Variants in SUCLG2 observed in about 807,000 individuals in gnomAD.
SUCLG2 encodes succinate-CoA ligase GDP-forming subunit beta, also known as succinate--CoA ligase [GDP-forming] subunit beta, mitochondrial.
SUCLG2 carries 42 observed loss-of-function variants against 47.9 expected under a neutral mutation model. That is an observed-to-expected ratio of 0.88 (90% CI 0.69 to 1.14). The LOEUF (loss-of-function observed/expected upper bound fraction) is 1.14. Among genes scored for constraint, SUCLG2 ranks in the 50% most tolerant of loss-of-function variants. The pLI, the probability that SUCLG2 is intolerant of heterozygous loss-of-function variation, is 0.00. For missense variants in SUCLG2, 571 were observed against 525.9 expected (o/e 1.09, Z -0.84); for synonymous variants, 195 against 197.3 (o/e 0.99, Z 0.10).
intron 2 of SUCLG2, among the ~76,000 whole-genome samples, chr3:67,556,445 G>A (rs1707164139): frequency 6.6e-6 from 1 of 152,218 alleles, no homozygotes; most frequent in Admixed American, 6.5e-5. Flanking sequence ...GGATGAAAAT[G>A]ATATGGGAGA....
chr3:67,627,343 C>CAT (rs1447545474), intron 1 of SUCLG2, among the ~76,000 whole-genome samples: 1 of 152,154 alleles, frequency 6.6e-6, no homozygotes, highest in Non-Finnish European at 1.5e-5. Flanking sequence ...AACCATACAC[C>CAT]ATATAGAAGC....
intron 1 of SUCLG2, among the ~76,000 whole-genome samples, chr3:67,620,093 T>C (rs2107332007): frequency 6.6e-6 from 1 of 152,326 alleles, no homozygotes; most frequent in East Asian, 1.9e-4. Context: ...ACTTTGTTCA[T>C]TCATTTAACA....
chr3:67,379,183 G>C (rs1209026911), intron 10 of SUCLG2, among the ~76,000 whole-genome samples: 1 of 152,188 alleles, frequency 6.6e-6, no homozygotes, highest in African/African-American at 2.4e-5. Context: ...CTGACCTCAA[G>C]TGATCCACTT....
intron 9 of SUCLG2, among the ~76,000 whole-genome samples, chr3:67,439,824 C>T (rs1703714199): frequency 1.3e-5 from 2 of 152,164 alleles, no homozygotes; most frequent in Non-Finnish European, 2.9e-5. Flanking sequence ...TTTACAGATT[C>T]AATGCTATCC....
At chr3:67,560,246 C>G (rs759927144) in intron 2 of SUCLG2, among the ~76,000 whole-genome samples, 3 of 152,082 alleles carry the variant, frequency 2.0e-5, no homozygotes, top group Non-Finnish European at 4.4e-5. Context: ...AGGCCATAAT[C>G]CAATACAATA....
At chr3:67,465,812 T>C (rs56090487) in intron 9 of SUCLG2, among the ~76,000 whole-genome samples, 4,974 of 152,222 alleles carry the variant, frequency 0.033, 136 homozygotes, top group East Asian at 0.13. Context: ...TATCATCCTG[T>C]TTTACTATCT....
chr3:67,531,480 C>A (rs898665705), intron 2 of SUCLG2, among the ~76,000 whole-genome samples: 1 of 151,942 alleles, frequency 6.6e-6, no homozygotes, highest in African/African-American at 2.4e-5. Flanking sequence ...ACCATCAAGA[C>A]ACAGAAAGAG....
chr3:67,360,883 G>A (rs1052486827), intron 10 of SUCLG2: 15 of 856,040 alleles, frequency 1.8e-5, no homozygotes, highest in African/African-American at 1.7e-4. Context: ...TGGAAACATC[G>A]TGTTACTGAT....
intron 10 of SUCLG2, chr3:67,376,198 G>T: frequency 2.0e-6 from 2 of 985,362 alleles, no homozygotes; most frequent in South Asian, 9.4e-5. Flanking sequence ...CCTCTCAGAC[G>T]TCATCAGGGG....
intron 9 of SUCLG2, chr3:67,409,166 C>T (rs890722453): frequency 9.8e-7 from 1 of 1,024,650 alleles, no homozygotes; most frequent in Non-Finnish European, 1.4e-6. Context: ...TTTGGCATTT[C>T]CTAGTTAGAT....
intron 2 of SUCLG2, among the ~76,000 whole-genome samples, chr3:67,557,963 T>C (rs1309724325): frequency 6.6e-6 from 1 of 152,140 alleles, no homozygotes; most frequent in Non-Finnish European, 1.5e-5. Context: ...ATTAATTCAT[T>C]TGAATATGAT....
chr3:67,642,073 T>C (rs1701111010), intron 1 of SUCLG2, among the ~76,000 whole-genome samples: 1 of 152,220 alleles, frequency 6.6e-6, no homozygotes, highest in Admixed American at 6.5e-5. Context: ...TCTCTTACCT[T>C]CTATCTCCTT....
chr3:67,604,450 A>C (rs1207900612), intron 2 of SUCLG2, among the ~76,000 whole-genome samples: 4 of 152,250 alleles, frequency 2.6e-5, no homozygotes, highest in African/African-American at 9.6e-5. Context: ...GGGAGATTTA[A>C]TCTAATCTGA....
chr3:67,406,710 CAG>C (rs1358812540), intron 9 of SUCLG2, among the ~76,000 whole-genome samples: 2 of 152,254 alleles, frequency 1.3e-5, no homozygotes, highest in South Asian at 2.1e-4. Context: ...GCAAATCATG[CAG>C]AGTCTCACAG....
At chr3:67,447,620 T>A (rs143544256) in intron 9 of SUCLG2, among the ~76,000 whole-genome samples, 1 of 152,224 alleles carries the variant, frequency 6.6e-6, no homozygotes, top group Admixed American at 6.5e-5. Context: ...AACAGAAGTA[T>A]TGGGTAATTA....
Position 67,375,174 on chromosome 3 carries a change from A to G in SUCLG2, c.*570T>C, listed in dbSNP as rs879179896. 6 of 985,432 alleles carry G rather than the reference A, an allele frequency of 6.1e-6. No individual in the cohort carries two copies. In the South Asian group the frequency reaches 1.9e-4, roughly 31 times the overall value. 61.0% of individuals were successfully genotyped at this position (985,432 alleles called of 1,614,324 possible). On this transcript the variant is annotated 3_prime_UTR_variant, in exon 11 of 11. Coordinates refer to ENST00000307227, the MANE Select transcript of SUCLG2 (RefSeq NM_003848.4). ...TATTCCATTATTAAATATATTTTGG[A>G]ATACTCACGGATTTTTCAAACATAT...
chr3:67,585,984 AAAAAAAAC>A (rs1268999184), intron 2 of SUCLG2, among the ~76,000 whole-genome samples: 17 of 46,836 alleles, frequency 3.6e-4, no homozygotes, highest in African/African-American at 7.4e-4. Flanking sequence ...AAAAAAAAAA[AAAAAAAAC>A]CAAACCCACA....
chr3:67,620,584 C>CAAAAAAAAAAAAAAA (rs71109890), intron 1 of SUCLG2, among the ~76,000 whole-genome samples: 1 of 63,494 alleles, frequency 1.6e-5, no homozygotes, highest in Non-Finnish European at 2.9e-5. Flanking sequence ...GACTCCATCT[C>CAAAAAAAAAAAAAAA]AAAAAAAAAA....
intron 2 of SUCLG2, among the ~76,000 whole-genome samples, chr3:67,576,913 A>T (rs540767040): frequency 1.8e-4 from 21 of 117,546 alleles, no homozygotes; most frequent in African/African-American, 5.1e-4. Context: ...CAGTCATTTA[A>T]TTTTTATTTT....
Sources: gnomAD v4.1 joint callset for allele counts (sites outside exome capture counted in the v4.1 genomes callset) on GRCh38, gnomAD v4.1.1 for gene constraint, MANE v1.5 for transcripts, NCBI Gene and HGNC (gene_info 2026-07-23, HGNC 2026-07-21) for gene names.